ELMOD2: variants seen among roughly 807,000 people sequenced by gnomAD.
The protein encoded by ELMOD2 is ELMO domain-containing protein 2.
ELMOD2 carries 28 observed loss-of-function variants against 41.0 expected under a neutral mutation model. The ratio of observed to expected loss-of-function variants is 0.68; its 90% CI spans 0.51 to 0.94. The LOEUF (loss-of-function observed/expected upper bound fraction) is 0.94. Among genes scored for constraint, ELMOD2 ranks in the 40% least tolerant of loss-of-function variants. The pLI is 0.00. For missense variants in ELMOD2, 333 were observed against 343.1 expected (o/e 0.97, Z 0.23); for synonymous variants, 106 against 107.2 (o/e 0.99, Z 0.07).
rs1159122204 is a variant in ELMOD2 at position 140,548,562 on chromosome 4, A to G, written c.737-1668A>G. ...ATTATTAAAATGGGATTTCCATTTTACATAGTAAGCAATCATGATAGTCTA... is the reference window on the plus strand; with the variant it reads ...ATTATTAAAATGGGATTTCCATTTTGCATAGTAAGCAATCATGATAGTCTA... On this transcript the variant is annotated intron_variant, in intron 8 of 8. Coordinates refer to ENST00000323570, the MANE Select transcript of ELMOD2 (RefSeq NM_153702.4). 2.6e-5 allele frequency among the ~76,000 whole-genome samples: 4 copies of G among 152,264 alleles called. 1 individual carries two copies. The South Asian group carries it at 6.2e-4, about 24-fold the overall frequency.
In ELMOD2 at chr4:140,543,531, T is replaced by C; in HGVS notation, c.681T>C (p.His227=). The change falls in exon 8 of 9, where the codon CAT becomes CAC. Residue 227 remains histidine (H), a synonymous_variant. Coordinates refer to ENST00000323570, the MANE Select transcript of ELMOD2 (RefSeq NM_153702.4). ...TGAAGAGTGAAGCTTTGAAGTTTCA[T>C]CTCTATAACCTTGTTCCTGGTATAC... ...SLLKSEALKF[H]LYNLVPGIPT... 1 of 1,607,104 alleles carries C rather than the reference T, an allele frequency of 6.2e-7. No individual in the cohort carries two copies. The highest frequency in any genetic ancestry group is 8.5e-7 in the Non-Finnish European group (1 of 1,177,996).
Position 140,537,472 on chromosome 4 carries a change from G to A in ELMOD2, c.330G>A (p.Leu110=), listed in dbSNP as rs1734968875. 6.3e-7 allele frequency: 1 copy of A among 1,582,164 alleles called. No homozygotes were observed. The highest frequency in any genetic ancestry group is 8.6e-7 in the Non-Finnish European group (1 of 1,167,084). ...TAACTGGTTATAAACAGCTGTATTT[G>A]GATGTAGAAAGTGTGAGGAAAAGGC... ...LQITGYKQLY[L]DVESVRKRPY... The change falls in exon 5 of 9, where the codon TTG becomes TTA. Residue 110 remains leucine (L), a synonymous_variant. Transcript: ENST00000323570.
chr4:140,543,334 A>C, intron 7 of ELMOD2, 119 bp from the exon 8 acceptor site: 1 of 1,102,624 alleles, frequency 9.1e-7, no homozygotes, highest in Non-Finnish European at 1.3e-6. Flanking sequence ...TGTAGAGATT[A>C]TCATAAAATC....
intron 1 of ELMOD2, chr4:140,524,494 G>A (rs1734486601): frequency 3.1e-6 from 2 of 654,910 alleles, no homozygotes; most frequent in Non-Finnish European, 3.8e-6. Flanking sequence ...GCGCCGCTAC[G>A]CGTGCATCCC....
rs1361014213 is a variant in ELMOD2, at chr4:140,550,325, A to T, written c.832A>T (p.Ile278Phe). Residue 278 changes from isoleucine to phenylalanine, a missense_variant, in exon 9 of 9, where the codon ATT becomes TTT. Coordinates refer to ENST00000323570, the MANE Select transcript of ELMOD2 (RefSeq NM_153702.4). ...NLYREKFHEK[I>F]KGLLLDCNVA... The stretch of plus-strand genomic sequence containing the variant: ...GTATAGAGAGAAGTTTCATGAAAAG[A>T]TTAAAGGACTTTTACTGGATTGTAA... 9 of 1,611,582 alleles carry T rather than the reference A, an allele frequency of 5.6e-6. No individual in the cohort carries two copies. Among genetic ancestry groups the T allele is most frequent in the Non-Finnish European group, 7.6e-6 (9 of 1,178,644 alleles).
rs977898499 is a variant in ELMOD2 at position 140,551,561 on chromosome 4, GC to G, written c.*1187del. 3.4e-4 allele frequency: 51 copies of G among 152,036 alleles called. No individual in the cohort carries two copies. The highest frequency in any genetic ancestry group is 1.0e-3 in the African/African-American group (43 of 41,436). 9.4% of individuals were successfully genotyped at this position (152,036 alleles called of 1,614,324 possible). On this transcript the variant is annotated 3_prime_UTR_variant, in exon 9 of 9. Coordinates refer to ENST00000323570, the MANE Select transcript of ELMOD2 (RefSeq NM_153702.4). ...TTTATGGGAATGATTTCTTCTTGGT[GC>G]GTTTTACACATTTGTACTGATAGCA...
At chr4:140,543,171 A>G (rs185929421) in intron 7 of ELMOD2, among the ~76,000 whole-genome samples, 169 of 152,156 alleles carry the variant, frequency 1.1e-3, no homozygotes, top group African/African-American at 3.6e-3. Flanking sequence ...TTTGGTGTCT[A>G]TAGTCCCCCT....
At chr4:140,545,554 A>G (rs187592122) in intron 8 of ELMOD2, among the ~76,000 whole-genome samples, 67 of 152,324 alleles carry the variant, frequency 4.4e-4, no homozygotes, top group African/African-American at 1.6e-3. Flanking sequence ...TAAACAAAGT[A>G]GGAGCCAATG....
At chr4:140,543,942 T>A (rs1735186413) in intron 8 of ELMOD2, among the ~76,000 whole-genome samples, 1 of 152,096 alleles carries the variant, frequency 6.6e-6, no homozygotes, top group African/African-American at 2.4e-5. Flanking sequence ...TGCAGATTAT[T>A]TTTTTACTTT....
intron 3 of ELMOD2, chr4:140,527,761 C>A: frequency 2.7e-6 from 1 of 374,968 alleles, no homozygotes. Flanking sequence ...TTTAGGAAAG[C>A]AGGGCCTTAG....
intron 8 of ELMOD2, among the ~76,000 whole-genome samples, chr4:140,546,666 T>C (rs1350462346): frequency 6.6e-6 from 1 of 151,274 alleles, no homozygotes; most frequent in Non-Finnish European, 1.5e-5. Flanking sequence ...TTCCCATATC[T>C]CAATATATAC....
intron 3 of ELMOD2, among the ~76,000 whole-genome samples, chr4:140,530,080 T>C (rs1734697594): frequency 6.6e-6 from 1 of 152,164 alleles, no homozygotes; most frequent in African/African-American, 2.4e-5. Context: ...TAAATGAAAA[T>C]TAACTTTTTT....
In ELMOD2 at chr4:140,551,150, G is replaced by GCTCTACCTACATATGAAACTT; in HGVS notation, c.*785_*805dup. 6.6e-6 allele frequency: 1 copy of GCTCTACCTACATATGAAACTT among 152,112 alleles called. No individual in the cohort carries two copies. Among genetic ancestry groups the GCTCTACCTACATATGAAACTT allele is most frequent in the African/African-American group, 2.4e-5 (1 of 41,522 alleles). 9.4% of individuals were successfully genotyped at this position (152,112 alleles called of 1,614,324 possible). ...TCTACCTATGTATGCTTATGAAACC[G>GCTCTACCTACATATGAAACTT]CTCTACCTACATATGAAACTTCTCT... is the stretch of plus-strand genomic sequence containing the variant. On this transcript the variant is annotated 3_prime_UTR_variant, in exon 9 of 9. Coordinates refer to ENST00000323570, the MANE Select transcript of ELMOD2 (RefSeq NM_153702.4).
At chr4:140,529,019 A>AG (rs1318138041) in intron 3 of ELMOD2, among the ~76,000 whole-genome samples, 1 of 152,174 alleles carries the variant, frequency 6.6e-6, no homozygotes, top group Admixed American at 6.5e-5. Context: ...GCACTTGGGG[A>AG]GGTGTTATAT....
At position 140,537,481 on chromosome 4, in the gene ELMOD2, A is replaced by C. The variant is rs769738337; in HGVS notation, c.339A>C (p.Glu113Asp). ...TGYKQLYLDV[E>D]SVRKRPYDSD... ...ATAAACAGCTGTATTTGGATGTAGA[A>C]AGTGTGAGGAAAAGGCCATATGATT... The change falls in exon 5 of 9, where the codon GAA becomes GAC. Residue 113 changes from glutamate (E) to aspartate (D), a missense_variant. Coordinates refer to ENST00000323570, the MANE Select transcript of ELMOD2 (RefSeq NM_153702.4). 2 of 1,586,330 alleles carry C rather than the reference A, an allele frequency of 1.3e-6. No homozygotes were observed. Among genetic ancestry groups the C allele is most frequent in the South Asian group, 1.2e-5 (1 of 85,202 alleles).
chr4:140,545,831 AAAC>A (rs1405856372), intron 8 of ELMOD2, among the ~76,000 whole-genome samples: 4 of 152,128 alleles, frequency 2.6e-5, no homozygotes, highest in African/African-American at 9.7e-5. Flanking sequence ...AAAAGTCAGG[AAAC>A]AACAAGTGCT....
At position 140,542,312 on chromosome 4, in the gene ELMOD2, G is replaced by A. The variant is rs530741336; in HGVS notation, c.534-262G>A. 5 of 241,440 alleles carry A rather than the reference G, an allele frequency of 2.1e-5. No individual in the cohort carries two copies. In the Admixed American group the frequency reaches 2.2e-4, roughly 11 times the overall value. The allele number at this position is 241,440 out of a possible 1,614,324, so 15.0% of individuals were successfully genotyped here. On this transcript the variant is annotated intron_variant, in intron 6 of 8. Coordinates refer to ENST00000323570, the MANE Select transcript of ELMOD2 (RefSeq NM_153702.4). ...ACTTTGGTTGTTTTTTTTTTTTAAGGTAGTCTCTTTTTATATTATCTATTT... is the reference window on the plus strand; with the variant it reads ...ACTTTGGTTGTTTTTTTTTTTTAAGATAGTCTCTTTTTATATTATCTATTT...
At chr4:140,524,410 G>A (rs1734480439) in intron 1 of ELMOD2, 130 bp downstream of exon 1, 1 of 189,130 alleles carries the variant, frequency 5.3e-6, no homozygotes, top group Admixed American at 6.5e-5. Context: ...CTTTGTGCGA[G>A]CCCTGCCCTC....
In ELMOD2 at chr4:140,543,501, C is replaced by A; in HGVS notation, c.651C>A (p.Ser217Arg). The A allele has an allele frequency of 6.2e-7, 1 of 1,605,440 alleles. No homozygotes were observed. Among genetic ancestry groups the A allele is most frequent in the African/African-American group, 1.3e-5 (1 of 74,528 alleles). ...VGINLTEMAY[S>R]LLKSEALKFH... ...TCAATCTTACAGAGATGGCTTATAG[C>A]TTACTGAAGAGTGAAGCTTTGAAGT... Residue 217 changes from serine to arginine, a missense_variant, in exon 8 of 9, where the codon AGC becomes AGA. Coordinates refer to ENST00000323570, the MANE Select transcript of ELMOD2 (RefSeq NM_153702.4).
Sources: allele counts gnomAD v4.1 joint callset (sites outside exome capture counted in the v4.1 genomes callset), GRCh38; gene constraint gnomAD v4.1.1; transcripts MANE v1.5; gene names NCBI Gene and HGNC (gene_info 2026-07-23, HGNC 2026-07-21).